Variants in APCDD1L observed in about 807,000 individuals in gnomAD.
APCDD1L encodes the protein APC down-regulated 1 like.
Under a neutral mutation model 24.2 loss-of-function variants are expected in APCDD1L, and 21 were observed. The ratio of observed to expected loss-of-function variants is 0.87; its 90% CI spans 0.61 to 1.25. The LOEUF is 1.25. APCDD1L is among the 50% of genes most tolerant of loss of function. APCDD1L has a pLI of 0.00. For missense variants in APCDD1L, 704 were observed against 711.7 expected (o/e 0.99, Z 0.12); for synonymous variants, 321 against 323.6 (o/e 0.99, Z 0.09).
rs1035249230 is a variant in APCDD1L, at chr20:58,467,512, A to C, written c.335T>G (p.Leu112Arg). The change falls in exon 3 of 4, where the codon CTG becomes CGG. Residue 112 changes from leucine to arginine, a missense_variant. By Grantham distance (102) the Leu-to-Arg change is moderately radical (BLOSUM62 -2). Coordinates refer to ENST00000371149, the MANE Select transcript of APCDD1L (RefSeq NM_153360.3). The surrounding 1 kb of genome is among the most constrained non-coding windows in gnomAD (Gnocchi z 5.9). ...CCGGGTGACCCAGGAGGCCCGGCGC[A>C]GGCGGACTTTGCCCTTGACGAGCAG... ...HSLLVKGKVR[L>R]RRASWVTRGA... The C allele has an allele frequency of 1.9e-6, 3 of 1,599,210 alleles. No homozygotes were observed. The highest frequency in any genetic ancestry group is 2.6e-6 in the Non-Finnish European group (3 of 1,172,964).
chr20:58,474,251 AC>A (rs1568738944), intron 1 of APCDD1L, among the ~76,000 whole-genome samples: 1 of 152,142 alleles, frequency 6.6e-6, no homozygotes, highest in Admixed American at 6.5e-5. Flanking sequence ...CGACACAACC[AC>A]CCGTGACATG....
intron 1 of APCDD1L, among the ~76,000 whole-genome samples, chr20:58,495,156 G>A (rs189771439): frequency 2.6e-4 from 39 of 152,300 alleles, no homozygotes; most frequent in Admixed American, 1.2e-3. Flanking sequence ...TCAACTTGTC[G>A]TCTGCCAACC....
chr20:58,480,387 C>T (rs1386661484), intron 1 of APCDD1L, among the ~76,000 whole-genome samples: 3 of 152,010 alleles, frequency 2.0e-5, no homozygotes, highest in African/African-American at 4.8e-5. Context: ...TAAGAAGCTG[C>T]GGGTTGACAG....
chr20:58,491,058 T>C (rs1990216796), intron 1 of APCDD1L, among the ~76,000 whole-genome samples: 1 of 152,240 alleles, frequency 6.6e-6, no homozygotes, highest in Non-Finnish European at 1.5e-5. Flanking sequence ...TTTGATAAAA[T>C]TCCAAACCCA....
In APCDD1L at chr20:58,467,035, G is replaced by T; in HGVS notation, c.741+71C>A. 6.6e-7 allele frequency: 1 copy of T among 1,506,578 alleles called. No homozygotes were observed. Among genetic ancestry groups the T allele is most frequent in the South Asian group, 1.3e-5 (1 of 77,696 alleles). The allele number at this position is 1,506,578 out of a possible 1,614,324, so 93.3% of individuals were successfully genotyped here. A position where few individuals can be genotyped will look rare whatever the true frequency, so the allele number is the denominator to read the frequency against. Reference sequence around the variant, plus strand: ...GCAGGCCCAGGTCTTGCAAAGCTGCGGGGCTGGGTTCCGAGCTCGCCTCCC... The same window carrying T: ...GCAGGCCCAGGTCTTGCAAAGCTGCTGGGCTGGGTTCCGAGCTCGCCTCCC... On this transcript the variant is annotated intron_variant, in intron 3 of 3. Coordinates refer to ENST00000371149, the MANE Select transcript of APCDD1L (RefSeq NM_153360.3). This position sits in a 1 kb window ranked among gnomAD's most constrained non-coding sequence, Gnocchi z 5.9.
Position 58,497,385 on chromosome 20 carries a change from C to T in APCDD1L, c.49+17274G>A, listed in dbSNP as rs548552257. On this transcript the variant is annotated intron_variant, in intron 1 of 3. Transcript: ENST00000371149. The surrounding 1 kb of genome is among the most constrained non-coding windows in gnomAD (Gnocchi z 4.3). ...GGCCCAGGGAACAGACGCCTTGCAT[C>T]GTGTCCACAGATGGGGTGCTAAAAC... Among the ~76,000 whole-genome samples, 7 of 152,194 alleles carry T rather than the reference C, an allele frequency of 4.6e-5. No homozygotes were observed. The East Asian group carries it at 7.7e-4, about 17-fold the overall frequency.
At chr20:58,472,460 G>A (rs1989829733) in intron 1 of APCDD1L, among the ~76,000 whole-genome samples, 1 of 152,176 alleles carries the variant, frequency 6.6e-6, no homozygotes, top group South Asian at 2.1e-4. Flanking sequence ...GGGGTGTGAC[G>A]GCGTCACCGG....
chr20:58,479,360 G>T (rs1989979206), intron 1 of APCDD1L, among the ~76,000 whole-genome samples: 1 of 152,130 alleles, frequency 6.6e-6, no homozygotes, highest in South Asian at 2.1e-4. Flanking sequence ...CATTTCAGGT[G>T]CCCTGTGACT....
At chr20:58,469,735 G>A (rs964280440) in intron 2 of APCDD1L, among the ~76,000 whole-genome samples, 4 of 152,194 alleles carry the variant, frequency 2.6e-5, no homozygotes, top group African/African-American at 9.6e-5. Flanking sequence ...TTCCTCCAAC[G>A]AAAGCGCTAG....
At chr20:58,474,250 C>T (rs1989866801) in intron 1 of APCDD1L, among the ~76,000 whole-genome samples, 1 of 152,216 alleles carries the variant, frequency 6.6e-6, no homozygotes, top group South Asian at 2.1e-4. Context: ...TCGACACAAC[C>T]ACCCGTGACA....
At chr20:58,484,040 GA>G (rs1345211252) in intron 1 of APCDD1L, among the ~76,000 whole-genome samples, 14 of 152,268 alleles carry the variant, frequency 9.2e-5, no homozygotes, top group Admixed American at 7.8e-4. Context: ...AGTTAAATCT[GA>G]TTTCCATACA....
intron 1 of APCDD1L, among the ~76,000 whole-genome samples, chr20:58,471,368 G>A (rs747502142): frequency 2.0e-5 from 3 of 152,246 alleles, no homozygotes; most frequent in Non-Finnish European, 4.4e-5. Flanking sequence ...GGGAAAGAGC[G>A]CATGGCCGCT....
chr20:58,481,122 C>T (rs563769153), intron 1 of APCDD1L, among the ~76,000 whole-genome samples: 2 of 152,300 alleles, frequency 1.3e-5, no homozygotes, highest in Non-Finnish European at 2.9e-5. Context: ...AGCATCACTG[C>T]GTAGAAGGGG....
At position 58,461,084 on chromosome 20, in the gene APCDD1L, G is replaced by T. The variant is rs41308717; in HGVS notation, c.1212C>A (p.Ile404=). The change falls in exon 4 of 4, where the codon ATC becomes ATA. Residue 404 remains isoleucine, a synonymous_variant. Coordinates refer to ENST00000371149, the MANE Select transcript of APCDD1L (RefSeq NM_153360.3). This position sits in a 1 kb window ranked among gnomAD's most constrained non-coding sequence, Gnocchi z 6.0. ...TATNGCLPLG[I]RLPHVEYELF... is the part of the protein sequence containing the mutation. ...GCTCGTACTCCACATGCGGGAGCCGGATGCCCAGCGGTAGGCAGCCGTTGG... is the reference window on the plus strand; with the variant it reads ...GCTCGTACTCCACATGCGGGAGCCGTATGCCCAGCGGTAGGCAGCCGTTGG... 2.4e-3 allele frequency: 3,877 copies of T among 1,614,050 alleles called. 71 individuals carry two copies. In the African/African-American group the frequency reaches 0.039, roughly 16 times the overall value.
At chr20:58,463,896 G>C (rs912556254) in intron 3 of APCDD1L, among the ~76,000 whole-genome samples, 8 of 110,058 alleles carry the variant, frequency 7.3e-5, no homozygotes, top group Admixed American at 7.1e-4. Context: ...TTTTTTTTTG[G>C]GGGGGGGGGG....
At chr20:58,484,210 C>T (rs1397811850) in intron 1 of APCDD1L, among the ~76,000 whole-genome samples, 3 of 152,136 alleles carry the variant, frequency 2.0e-5, no homozygotes, top group South Asian at 2.1e-4. Flanking sequence ...TTCTTTTATG[C>T]CATACATAGG....
intron 1 of APCDD1L, among the ~76,000 whole-genome samples, chr20:58,485,891 G>A (rs1990110635): frequency 6.6e-6 from 1 of 152,234 alleles, no homozygotes; most frequent in African/African-American, 2.4e-5. Flanking sequence ...GAGGACAGAT[G>A]TCAATGTCTT....
intron 1 of APCDD1L, among the ~76,000 whole-genome samples, chr20:58,481,028 A>G (rs1445376268): frequency 6.6e-6 from 1 of 152,218 alleles, no homozygotes; most frequent in African/African-American, 2.4e-5. Context: ...CATTATTTAT[A>G]CCAAACTTGG....
chr20:58,496,323 T>C (rs1263818180), intron 1 of APCDD1L, among the ~76,000 whole-genome samples: 1 of 152,218 alleles, frequency 6.6e-6, no homozygotes, highest in East Asian at 1.9e-4. Flanking sequence ...TGCCAGAGGC[T>C]GTAGCAGCCC....
Sources: allele counts gnomAD v4.1 joint callset (sites outside exome capture counted in the v4.1 genomes callset), GRCh38; gene constraint gnomAD v4.1.1; non-coding constraint Gnocchi (gnomAD v3.1); transcripts MANE v1.5; gene names NCBI Gene and HGNC (gene_info 2026-07-23, HGNC 2026-07-21).